SPATC1L: variants seen among roughly 807,000 people sequenced by gnomAD.
The protein encoded by SPATC1L is spermatogenesis and centriole associated 1 like.
SPATC1L carries 20 observed loss-of-function variants against 21.2 expected under a neutral mutation model. The ratio of observed to expected loss-of-function variants is 0.94; its 90% CI spans 0.66 to 1.37. SPATC1L has a LOEUF of 1.37. Ranked by LOEUF, SPATC1L falls within the 40% of genes most tolerant of loss-of-function variation. The pLI is 0.00. For synonymous variants in SPATC1L, 290 were observed against 234.5 expected (o/e 1.24, Z -2.16); for missense variants, 499 against 478.7 (o/e 1.04, Z -0.40).
chr21:46,164,770 C>T (rs759941913), intron 3 of SPATC1L, among the ~76,000 whole-genome samples: 102 of 141,042 alleles, frequency 7.2e-4, no homozygotes, highest in Admixed American at 4.3e-3. Flanking sequence ...CCAGCCTGGG[C>T]GACAGAGCGA....
intron 2 of SPATC1L, among the ~76,000 whole-genome samples, chr21:46,182,035 T>C (rs955150716): frequency 3.9e-5 from 6 of 152,202 alleles, no homozygotes; most frequent in Non-Finnish European, 8.8e-5. Flanking sequence ...TGCTATGTGG[T>C]GAGTGGATCA....
At chr21:46,173,198 T>A (rs2079606662) in intron 2 of SPATC1L, among the ~76,000 whole-genome samples, 1 of 152,176 alleles carries the variant, frequency 6.6e-6, no homozygotes, top group Admixed American at 6.5e-5. Flanking sequence ...ATGGGACCAG[T>A]CCAACCTGAG....
intron 2 of SPATC1L, among the ~76,000 whole-genome samples, chr21:46,176,042 A>G (rs1400075094): frequency 0.018 from 1 of 56 alleles, no homozygotes; most frequent in Non-Finnish European, 0.031. Flanking sequence ...AACAGGACTA[A>G]AGCAAAAACC....
At position 46,161,315 on chromosome 21, in the gene SPATC1L, G is replaced by A. The variant is rs1200283898; in HGVS notation, c.*64C>T. 7.2e-7 allele frequency: 1 copy of A among 1,398,060 alleles called. No individual in the cohort carries two copies. Among genetic ancestry groups the A allele is most frequent in the South Asian group, 1.5e-5 (1 of 66,846 alleles). 86.6% of individuals were successfully genotyped at this position (1,398,060 alleles called of 1,614,324 possible). On this transcript the variant is annotated 3_prime_UTR_variant, in exon 5 of 5. Coordinates refer to ENST00000291672, the MANE Select transcript of SPATC1L (RefSeq NM_001142854.2). ...TCCCCTCCGGGGGGACGCGCAGGAGGCACCGCGGCCCCGGGTTGGAACAAA... is the reference window on the plus strand; with the variant it reads ...TCCCCTCCGGGGGGACGCGCAGGAGACACCGCGGCCCCGGGTTGGAACAAA...
intron 2 of SPATC1L, among the ~76,000 whole-genome samples, chr21:46,174,576 A>G (rs2079618271): frequency 6.6e-6 from 1 of 152,174 alleles, no homozygotes; most frequent in South Asian, 2.1e-4. Flanking sequence ...AGAGCATTAC[A>G]CAATGGTGAA....
intron 2 of SPATC1L, 29 bp downstream of exon 2, chr21:46,182,595 C>A: frequency 7.0e-7 from 1 of 1,434,302 alleles, no homozygotes; most frequent in South Asian, 1.5e-5. Context: ...CCTCATCTAC[C>A]AGGCCATCTG....
rs1427891756 is a variant in SPATC1L at position 46,161,265 on chromosome 21, CTCGCGCGCGGGGGACGCGGCCCTTT to C, written c.*89_*113del. The C allele has an allele frequency of 2.8e-6, 3 of 1,077,342 alleles. No individual in the cohort carries two copies. Among genetic ancestry groups the C allele is most frequent in the Non-Finnish European group, 3.8e-6 (3 of 795,710 alleles). 66.7% of individuals were successfully genotyped at this position (1,077,342 alleles called of 1,614,324 possible). A position where few individuals can be genotyped will look rare whatever the true frequency, so the allele number is the denominator to read the frequency against. On this transcript the variant is annotated 3_prime_UTR_variant, in exon 5 of 5. Coordinates refer to ENST00000291672, the MANE Select transcript of SPATC1L (RefSeq NM_001142854.2). The stretch of plus-strand genomic sequence containing the variant: ...CGGTGGGAGCGGGGCCTTCTCTGGC[CTCGCGCGCGGGGGACGCGGCCCTTT>C]CCCCTCCGGGGGGACGCGCAGGAGG...
At position 46,168,293 on chromosome 21, in the gene SPATC1L, C is replaced by A. The variant is rs375940944; in HGVS notation, c.544+15G>T. 4.7e-5 allele frequency: 72 copies of A among 1,538,672 alleles called. 1 individual carries two copies. Among genetic ancestry groups the A allele is most frequent in the Non-Finnish European group, 6.3e-5 (71 of 1,132,864 alleles). ...CACTGGGGGCCCCCCCAGGTGCCCC[C>A]GCACCCGGCCATACCATTGAGGTAG... On this transcript the variant is annotated intron_variant, in intron 3 of 4. Coordinates refer to ENST00000291672, the MANE Select transcript of SPATC1L (RefSeq NM_001142854.2).
intron 2 of SPATC1L, among the ~76,000 whole-genome samples, chr21:46,181,499 G>A (rs1284510596): frequency 6.6e-6 from 1 of 152,216 alleles, no homozygotes; most frequent in East Asian, 1.9e-4. Flanking sequence ...CTTGTCCATG[G>A]AGCTCCGAGC....
intron 3 of SPATC1L, among the ~76,000 whole-genome samples, chr21:46,163,939 A>G (rs762788948): frequency 2.8e-4 from 43 of 152,116 alleles, no homozygotes; most frequent in Non-Finnish European, 5.6e-4. Flanking sequence ...AAAATTATTG[A>G]TTTTTGAACA....
chr21:46,162,139 C>T, intron 3 of SPATC1L, 72 bp from the exon 4 acceptor site: 1 of 1,455,056 alleles, frequency 6.9e-7, no homozygotes. Flanking sequence ...TGCCCTCGGC[C>T]ACGTGGGGGG....
Position 46,161,931 on chromosome 21 carries a change from G to T in SPATC1L, c.681C>A (p.Pro227=). ...RLYGFTVANI[P]EKIEQTSTKS... is the part of the protein sequence containing the mutation. ...CGGGGCGCACCTGCTCGATCTTCTC[G>T]GGGATGTTGGCCACCGTGAAGCCGT... The change falls in exon 4 of 5, where the codon CCC becomes CCA. Residue 227 remains proline (P), a synonymous_variant. Transcript: ENST00000291672. 2 of 1,607,246 alleles carry T rather than the reference G, an allele frequency of 1.2e-6. No homozygotes were observed. Among genetic ancestry groups the T allele is most frequent in the Non-Finnish European group, 1.7e-6 (2 of 1,179,350 alleles).
chr21:46,163,385 A>C (rs2079517184), intron 3 of SPATC1L, among the ~76,000 whole-genome samples: 1 of 152,100 alleles, frequency 6.6e-6, no homozygotes, highest in Admixed American at 6.5e-5. Context: ...TCTTTTGCTC[A>C]TGCTTTTGAT....
intron 3 of SPATC1L, among the ~76,000 whole-genome samples, chr21:46,162,362 G>C (rs1023415555): frequency 2.0e-5 from 3 of 152,062 alleles, no homozygotes; most frequent in African/African-American, 7.2e-5. Flanking sequence ...CTGCCCCAGC[G>C]TCGGCCCCTG....
At chr21:46,161,744 G>A (rs761585817) in intron 4 of SPATC1L, 39 bp from the exon 5 acceptor site, 2 of 1,521,728 alleles carry the variant, frequency 1.3e-6, no homozygotes, top group South Asian at 2.4e-5. Context: ...GGGGGCTCGG[G>A]GCCCTCGGAC....
chr21:46,179,783 G>A (rs935723412), intron 2 of SPATC1L, among the ~76,000 whole-genome samples: 1 of 152,246 alleles, frequency 6.6e-6, no homozygotes. Flanking sequence ...GTGCTGGAGG[G>A]ACCAGGACAA....
At chr21:46,177,891 A>G (rs983694837) in intron 2 of SPATC1L, among the ~76,000 whole-genome samples, 1 of 152,246 alleles carries the variant, frequency 6.6e-6, no homozygotes, top group Non-Finnish European at 1.5e-5. Flanking sequence ...TAGATTGGAT[A>G]AAGAAAATGT....
intron 2 of SPATC1L, among the ~76,000 whole-genome samples, chr21:46,170,481 C>T (rs2079578620): frequency 9.1e-6 from 1 of 110,416 alleles, no homozygotes; most frequent in African/African-American, 4.4e-5. Flanking sequence ...GGGGAGGAGC[C>T]TCCTGCTCTG....
intron 3 of SPATC1L, among the ~76,000 whole-genome samples, chr21:46,166,215 G>C (rs2079539032): frequency 1.3e-5 from 2 of 151,984 alleles, no homozygotes; most frequent in Admixed American, 1.3e-4. Context: ...AAAATACAAA[G>C]ATTAGCTGGG....
Sources: gnomAD v4.1 joint callset for allele counts (sites outside exome capture counted in the v4.1 genomes callset) on GRCh38, gnomAD v4.1.1 for gene constraint, MANE v1.5 for transcripts, NCBI Gene and HGNC (gene_info 2026-07-23, HGNC 2026-07-21) for gene names.